Variants in MON1B observed in about 807,000 individuals in gnomAD.
The protein encoded by MON1B is vacuolar fusion protein MON1 homolog B.
In MON1B, 26 loss-of-function variants were observed where a neutral mutation model predicts 45.1. That is an observed-to-expected ratio of 0.58 (90% CI 0.42 to 0.80). The LOEUF (loss-of-function observed/expected upper bound fraction) is 0.80. MON1B is among the 30% of genes least tolerant of loss of function. The pLI is 0.00. For missense variants in MON1B, 737 were observed against 754.5 expected (o/e 0.98, Z 0.27); for synonymous variants, 395 against 320.2 (o/e 1.23, Z -2.49).
At position 77,194,832 on chromosome 16, in the gene MON1B, G is replaced by A. The variant is rs773922637; in HGVS notation, c.973G>A (p.Val325Met). 3.1e-6 allele frequency: 5 copies of A among 1,610,578 alleles called. No homozygotes were observed. In the African/African-American group the frequency reaches 4.0e-5, roughly 13 times the overall value. The change falls in exon 4 of 6, where the codon GTG (valine) becomes ATG (methionine). Residue 325 changes from valine (V) to methionine (M), a missense_variant. Transcript: ENST00000248248. This position sits in a 1 kb window ranked among gnomAD's most constrained non-coding sequence, Gnocchi z 8.1. ...TGCGGCGGGTGAGGCTTGGGCACCT[G>A]TGTGCCTGCCCCGCTTCAACCCTGA... ...AFAAGEAWAP[V>M]CLPRFNPDGF...
chr16:77,200,291 T>TATATACACACAC lies in MON1B; in HGVS notation c.*1984_*1985insTATACACACACA. 1 of 111,428 alleles carries TATATACACACAC rather than the reference T, an allele frequency of 9.0e-6. No individual in the cohort carries two copies. The highest frequency in any genetic ancestry group is 3.4e-5 in the African/African-American group (1 of 29,726). 6.9% of individuals were successfully genotyped at this position (111,428 alleles called of 1,614,324 possible). On this transcript the variant is annotated 3_prime_UTR_variant, in exon 6 of 6. Transcript: ENST00000248248. ...ATATATGTGTATATATATATATATATACACACACTAATCAGCCGGGCGCGG... is the reference window on the plus strand; with the variant it reads ...ATATATGTGTATATATATATATATATATATACACACACACACACACTAATCAGCCGGGCGCGG...
rs2054709590 is a variant in MON1B at position 77,199,684 on chromosome 16, AAATT to A, written c.*1379_*1382del. On this transcript the variant is annotated 3_prime_UTR_variant, in exon 6 of 6. Transcript: ENST00000248248. The stretch of plus-strand genomic sequence containing the variant: ...TTTAACCGTTCAGCACAGTGGAGAT[AAATT>A]AACAGGCATATTCTTATCACCGAGA... 5 of 579,596 alleles carry A rather than the reference AAATT, an allele frequency of 8.6e-6. No homozygotes were observed. The highest frequency in any genetic ancestry group is 3.2e-5 in the Admixed American group (1 of 31,044). 35.9% of individuals were successfully genotyped at this position (579,596 alleles called of 1,614,324 possible).
In MON1B at chr16:77,195,538, T is replaced by A. The variant is rs755639920; in HGVS notation, c.1299T>A (p.Pro433=). 4 of 1,612,964 alleles carry A rather than the reference T, an allele frequency of 2.5e-6. No individual in the cohort carries two copies. Among genetic ancestry groups the A allele is most frequent in the Non-Finnish European group, 2.5e-6 (3 of 1,179,380 alleles). Reference sequence around the variant, plus strand: ...CCACCTCCCTCCATCATGGCAGCCCTGAGCTAGAGGCCCCCTACAGCAGAG... The same window carrying A: ...CCACCTCCCTCCATCATGGCAGCCCAGAGCTAGAGGCCCCCTACAGCAGAG... ...HHRQLPQFTS[P]ELEAPYSREE... Residue 433 remains proline, a synonymous_variant, in exon 5 of 6, where the codon CCT becomes CCA. Transcript: ENST00000248248.
In MON1B at chr16:77,195,667, G is replaced by A; in HGVS notation, c.1428G>A (p.Glu476=). 6.2e-7 allele frequency: 1 copy of A among 1,614,146 alleles called. No individual in the cohort carries two copies. Among genetic ancestry groups the A allele is most frequent in the Non-Finnish European group, 8.5e-7 (1 of 1,180,018 alleles). Residue 476 remains glutamate (E), a synonymous_variant, in exon 5 of 6, where the codon GAG becomes GAA. Coordinates refer to ENST00000248248, the MANE Select transcript of MON1B (RefSeq NM_014940.4). ...LRLIYHVAEK[E]TLLAWVTSKF... ...TCATTTACCACGTGGCTGAGAAGGA[G>A]ACACTACTGGCCTGGGTAAGTTGGG... is the stretch of plus-strand genomic sequence containing the variant.
chr16:77,200,291 T>TATATACATATACAC lies in MON1B; in HGVS notation c.*1984_*1985insTATACATATACACA. On this transcript the variant is annotated 3_prime_UTR_variant, in exon 6 of 6. Coordinates refer to ENST00000248248, the MANE Select transcript of MON1B (RefSeq NM_014940.4). ...ATATATGTGTATATATATATATATA[T>TATATACATATACAC]ACACACACTAATCAGCCGGGCGCGG... 9.0e-6 allele frequency: 1 copy of TATATACATATACAC among 111,428 alleles called. No individual in the cohort carries two copies. Among genetic ancestry groups the TATATACATATACAC allele is most frequent in the East Asian group, 2.2e-4 (1 of 4,588 alleles). 6.9% of individuals were successfully genotyped at this position (111,428 alleles called of 1,614,324 possible).
Position 77,194,907 on chromosome 16 carries a change from C to G in MON1B, c.1048C>G (p.Leu350Val), listed in dbSNP as rs749652867. The change falls in exon 4 of 6, where the codon CTG (leucine) becomes GTG (valine). Residue 350 changes from leucine (L) to valine (V), a missense_variant. Transcript: ENST00000248248. The surrounding 1 kb of genome is among the most constrained non-coding windows in gnomAD (Gnocchi z 8.1). ...CCGCCTGGATGCTATGCCTGTCTGC[C>G]TGCTGCTGCTTGGCACCCAACGTGA... ...VARLDAMPVC[L>V]LLLGTQREAF... 6.2e-7 allele frequency: 1 copy of G among 1,613,426 alleles called. No homozygotes were observed. The highest frequency in any genetic ancestry group is 8.5e-7 in the Non-Finnish European group (1 of 1,180,024).
chr16:77,193,921 C>T lies in MON1B; in HGVS notation c.475+144C>T, dbSNP rs144709133. 2.9e-5 allele frequency: 24 copies of T among 832,642 alleles called. No individual in the cohort carries two copies. The highest frequency in any genetic ancestry group is 3.8e-5 in the Non-Finnish European group (21 of 547,162). The allele number at this position is 832,642 out of a possible 1,614,324, so 51.6% of individuals were successfully genotyped here. ...TGGTCAGCCAGAGCTCTGTCAGTGG[C>T]GGGAGGTGGGGGGGTTCATCTCTGT... On this transcript the variant is annotated intron_variant, in intron 3 of 5. Coordinates refer to ENST00000248248, the MANE Select transcript of MON1B (RefSeq NM_014940.4). This position sits in a 1 kb window ranked among gnomAD's most constrained non-coding sequence, Gnocchi z 5.0.
At chr16:77,191,310 A>C in intron 1 of MON1B, 52 bp downstream of exon 1, 2 of 1,529,078 alleles carry the variant, frequency 1.3e-6, no homozygotes, top group South Asian at 1.2e-5. Context: ...CTCTTTTCGG[A>C]AAGTGTTGGA....
intron 2 of MON1B, 94 bp downstream of exon 2, chr16:77,191,727 T>G (rs967419423): frequency 1.4e-6 from 2 of 1,427,032 alleles, no homozygotes; most frequent in Non-Finnish European, 1.9e-6. Context: ...TAGGGAGTCT[T>G]GGGACTTAAG....
Position 77,199,993 on chromosome 16 carries a change from G to A in MON1B, c.*1685G>A. On this transcript the variant is annotated 3_prime_UTR_variant, in exon 6 of 6. Transcript: ENST00000248248. ...ATGACAGGCAAAGGAGGGTGGAGGG[G>A]TGTCGGCCTAGACACTATTGGAAAT... 7.1e-6 allele frequency: 1 copy of A among 140,420 alleles called. No homozygotes were observed. The allele number at this position is 140,420 out of a possible 1,614,324, so 8.7% of individuals were successfully genotyped here.
Position 77,193,964 on chromosome 16 carries a change from T to TA in MON1B, c.475+188dup, listed in dbSNP as rs2054638314. 1 of 635,872 alleles carries TA rather than the reference T, an allele frequency of 1.6e-6. No individual in the cohort carries two copies. Among genetic ancestry groups the TA allele is most frequent in the East Asian group, 2.8e-5 (1 of 36,346 alleles). The allele number at this position is 635,872 out of a possible 1,614,324, so 39.4% of individuals were successfully genotyped here. ...ATCTCTGTCTGGCCTGCTGGTTTCT[T>TA]AGTGATTGACTTGCTGGGATCTCAG... On this transcript the variant is annotated intron_variant, in intron 3 of 5. Transcript: ENST00000248248. This position sits in a 1 kb window ranked among gnomAD's most constrained non-coding sequence, Gnocchi z 5.0.
rs1426753049 is a variant in MON1B at position 77,200,240 on chromosome 16, A to G, written c.*1932A>G. ...TATGTATGTATGTGTGTGTATATAT[A>G]TATATATGTATATGTGTATATATAT... On this transcript the variant is annotated 3_prime_UTR_variant, in exon 6 of 6. Transcript: ENST00000248248. The G allele has an allele frequency of 2.3e-5, 3 of 132,570 alleles. No homozygotes were observed. Among genetic ancestry groups the G allele is most frequent in the Non-Finnish European group, 4.8e-5 (3 of 62,568 alleles). 8.2% of individuals were successfully genotyped at this position (132,570 alleles called of 1,614,324 possible). A position where few individuals can be genotyped will look rare whatever the true frequency, so the allele number is the denominator to read the frequency against.
In MON1B at chr16:77,194,846, C is replaced by A. The variant is rs2054648996; in HGVS notation, c.987C>A (p.Arg329=). The change falls in exon 4 of 6, where the codon CGC becomes CGA. Residue 329 remains arginine (R), a synonymous_variant. Transcript: ENST00000248248. This position sits in a 1 kb window ranked among gnomAD's most constrained non-coding sequence, Gnocchi z 8.1. ...GEAWAPVCLP[R]FNPDGFFYAY... is the part of the protein sequence containing the mutation. ...CTTGGGCACCTGTGTGCCTGCCCCG[C>A]TTCAACCCTGATGGTTTTTTCTACG... The A allele has an allele frequency of 6.2e-7, 1 of 1,610,880 alleles. No individual in the cohort carries two copies. The highest frequency in any genetic ancestry group is 1.3e-5 in the African/African-American group (1 of 74,948).
chr16:77,197,940 A>G (rs138807252), intron 5 of MON1B, among the ~76,000 whole-genome samples, 168 bp from the exon 6 acceptor site: 23 of 152,222 alleles, frequency 1.5e-4, no homozygotes, highest in African/African-American at 4.8e-4. Flanking sequence ...AAATTGCACA[A>G]TATCAGCTTA....
At chr16:77,198,080 C>T (rs2054684677) in intron 5 of MON1B, 28 bp from the exon 6 acceptor site, 2 of 1,607,940 alleles carry the variant, frequency 1.2e-6, no homozygotes, top group Admixed American at 1.7e-5. Flanking sequence ...TCTGGCCCAT[C>T]TGACTCTGTC....
Position 77,198,354 on chromosome 16 carries a change from G to GT in MON1B, c.*52dup, listed in dbSNP as rs747667177. ...GGCAGTGCTGGGAGCAACCACCTTT[G>GT]TTTTTTACCTTCTGTCTACCCTGGA... On this transcript the variant is annotated 3_prime_UTR_variant, in exon 6 of 6. Coordinates refer to ENST00000248248, the MANE Select transcript of MON1B (RefSeq NM_014940.4). The GT allele has an allele frequency of 1.9e-6, 3 of 1,566,222 alleles. No homozygotes were observed. Among genetic ancestry groups the GT allele is most frequent in the East Asian group, 2.2e-5 (1 of 44,604 alleles).
rs1342971073 is a variant in MON1B, at chr16:77,199,440, C to A, written c.*1132C>A. On this transcript the variant is annotated 3_prime_UTR_variant, in exon 6 of 6. Transcript: ENST00000248248. The stretch of plus-strand genomic sequence containing the variant: ...ATCAAGCGAGGCTCGCGCGCAGGCC[C>A]CGCGTTGGAAAATGGCGGGGAAGCT... 3 of 1,551,512 alleles carry A rather than the reference C, an allele frequency of 1.9e-6. No individual in the cohort carries two copies. The highest frequency in any genetic ancestry group is 1.4e-5 in the African/African-American group (1 of 73,132).
rs1478425910 is a variant in MON1B at position 77,198,574 on chromosome 16, T to C, written c.*266T>C. ...CTTCCCTCTGTCTCATCTCCTCCAC[T>C]TGGATGATGCTCTAGCCTCTGTCAG... On this transcript the variant is annotated 3_prime_UTR_variant, in exon 6 of 6. Transcript: ENST00000248248. 1 of 503,508 alleles carries C rather than the reference T, an allele frequency of 2.0e-6. No individual in the cohort carries two copies. The highest frequency in any genetic ancestry group is 1.9e-5 in the African/African-American group (1 of 51,688). 31.2% of individuals were successfully genotyped at this position (503,508 alleles called of 1,614,324 possible).
rs3743762 is a variant in MON1B at position 77,194,045 on chromosome 16, T to C, written c.475+268T>C. 0.66 allele frequency: 396,044 copies of C among 599,126 alleles called. 133,993 individuals carry two copies. The highest frequency in any genetic ancestry group is 0.86 in the African/African-American group (46,275 of 53,842). 37.1% of individuals were successfully genotyped at this position (599,126 alleles called of 1,614,324 possible). ...GAGGATAACTGTGGGGGCTGTGTGG[T>C]TGAGCTGTGTCTTTCTGGCTCTGTG... is the stretch of plus-strand genomic sequence containing the variant. On this transcript the variant is annotated intron_variant, in intron 3 of 5. Coordinates refer to ENST00000248248, the MANE Select transcript of MON1B (RefSeq NM_014940.4). This position sits in a 1 kb window ranked among gnomAD's most constrained non-coding sequence, Gnocchi z 8.1.
Sources: gnomAD v4.1 joint callset for allele counts (sites outside exome capture counted in the v4.1 genomes callset) on GRCh38, gnomAD v4.1.1 for gene constraint, Gnocchi (gnomAD v3.1) non-coding constraint, MANE v1.5 for transcripts, NCBI Gene and HGNC (gene_info 2026-07-23, HGNC 2026-07-21) for gene names.